LRRC9: variants seen among roughly 807,000 people sequenced by gnomAD.
LRRC9 encodes the protein leucine rich repeat containing 9, also known as leucine-rich repeat-containing protein 9.
Under a neutral mutation model 63.2 loss-of-function variants are expected in LRRC9, and 122 were observed. The ratio of observed to expected loss-of-function variants is 1.93; its 90% CI spans 1.67 to 2.24. LRRC9 has a LOEUF of 2.24. LRRC9 is among the 30% of genes most tolerant of loss of function. LRRC9 has a pLI of 0.00. For synonymous variants in LRRC9, 366 were observed against 213.1 expected, an observed-to-expected ratio of 1.72 and a Z score of -6.25; for missense variants, 1,071 against 627.7, an observed-to-expected ratio of 1.71 and a Z score of -7.55.
In LRRC9 at chr14:59,999,094, TCCCA is replaced by T; in HGVS notation, c.2404-6_2404-3del. ...TTATAAAAAATTTTTTTTTTGTTTT[TCCCA>T]AGCCAGCCACATTGAGGCTGAGTGT... On this transcript the variant is annotated splice_region_variant and splice_polypyrimidine_tract_variant and intron_variant, in intron 18 of 31. Coordinates refer to ENST00000445360, the Ensembl canonical transcript of LRRC9. 1.5e-6 allele frequency: 1 copy of T among 648,456 alleles called. No homozygotes were observed. The highest frequency in any genetic ancestry group is 2.8e-6 in the Non-Finnish European group (1 of 362,990). 40.2% of individuals were successfully genotyped at this position (648,456 alleles called of 1,614,324 possible).
intron 29 of LRRC9, among the ~76,000 whole-genome samples, chr14:60,039,268 C>G (rs1892724620): frequency 6.6e-6 from 1 of 152,146 alleles, no homozygotes; most frequent in African/African-American, 2.4e-5. Flanking sequence ...CGGGATGATG[C>G]TGGCCTCATA....
chr14:60,043,756 C>CTTTTTTTTT lies in LRRC9; in HGVS notation c.3991-9295_3991-9287dup, dbSNP rs368065898. On this transcript the variant is annotated intron_variant, in intron 29 of 31. Transcript: ENST00000445360. ...GAGCGTAGCCTGTAGTTTTCTTTTC[C>CTTTTTTTTT]TTTTTTTTTTTTTTTTTTTTTTGCC... Among the ~76,000 whole-genome samples, 9 of 71,554 alleles carry CTTTTTTTTT rather than the reference C, an allele frequency of 1.3e-4. No individual in the cohort carries two copies. The East Asian group carries it at 1.4e-3, about 11-fold the overall frequency. 46.9% of individuals were successfully genotyped at this position (71,554 alleles called of 152,430 possible).
In LRRC9 at chr14:59,936,149, T is replaced by G. The variant is rs891303517; in HGVS notation, c.544-2241T>G. Reference sequence around the variant, plus strand: ...CTCAACAGATCCATTGTTTTTATTATTTTATTACCATTACTTTAATTACAT... The same window carrying G: ...CTCAACAGATCCATTGTTTTTATTAGTTTATTACCATTACTTTAATTACAT... On this transcript the variant is annotated intron_variant, in intron 6 of 31. Coordinates refer to ENST00000445360, the Ensembl canonical transcript of LRRC9. This position sits in a 1 kb window ranked among gnomAD's most constrained non-coding sequence, Gnocchi z 4.2. Among the ~76,000 whole-genome samples, 3 of 152,172 alleles carry G rather than the reference T, an allele frequency of 2.0e-5. No homozygotes were observed. The highest frequency in any genetic ancestry group is 4.4e-5 in the Non-Finnish European group (3 of 68,020).
At chr14:59,968,316 A>T (rs1885074174) in intron 12 of LRRC9, among the ~76,000 whole-genome samples, 1 of 152,196 alleles carries the variant, frequency 6.6e-6, no homozygotes, top group Non-Finnish European at 1.5e-5. Context: ...ACAGAGTTTC[A>T]GTCTGGAATA....
At chr14:59,961,443 G>C (rs17096779) in intron 10 of LRRC9, among the ~76,000 whole-genome samples, 2,174 of 152,302 alleles carry the variant, frequency 0.014, 53 homozygotes, top group East Asian at 0.059. Context: ...GAAACTGGAA[G>C]AGAGCAGGAA....
In LRRC9 at chr14:60,003,998, A is replaced by G. The variant is rs1004893736; in HGVS notation, c.2842+200A>G. ...TTGGACCATTCTACAATGTATATAT[A>G]TACTTCAAAACATCATGTTGTACAA... On this transcript the variant is annotated intron_variant, in intron 21 of 31. Coordinates refer to ENST00000445360, the Ensembl canonical transcript of LRRC9. This position sits in a 1 kb window ranked among gnomAD's most constrained non-coding sequence, Gnocchi z 4.2. Among the ~76,000 whole-genome samples the G allele has an allele frequency of 2.0e-5, 3 of 152,186 alleles. No homozygotes were observed. The highest frequency in any genetic ancestry group is 4.4e-5 in the Non-Finnish European group (3 of 68,018).
intron 17 of LRRC9, among the ~76,000 whole-genome samples, chr14:59,993,725 C>A (rs1237276421): frequency 6.6e-6 from 1 of 152,190 alleles, no homozygotes; most frequent in African/African-American, 2.4e-5. Context: ...AAGGCCATTA[C>A]AGAATGGTAA....
At chr14:59,991,038 G>C (rs1888035206) in intron 17 of LRRC9, among the ~76,000 whole-genome samples, 1 of 152,112 alleles carries the variant, frequency 6.6e-6, no homozygotes, top group Non-Finnish European at 1.5e-5. Flanking sequence ...TTTATGTGTG[G>C]ATTCACAGCA....
intron 17 of LRRC9, 71 bp downstream of exon 17, chr14:59,985,295 G>T: frequency 1.9e-6 from 1 of 539,118 alleles, no homozygotes; most frequent in Non-Finnish European, 3.4e-6. Flanking sequence ...GGTTATCAGG[G>T]CCTAAGGGCT....
rs1889310142 is a variant in LRRC9 at position 59,927,537 on chromosome 14, C to T, written c.-33-374C>T. The stretch of plus-strand genomic sequence containing the variant: ...GTGTAATACAAAGGACAACTAGAGC[C>T]TGTTCAAAGGAGAGAAACATGAGTA... On this transcript the variant is annotated intron_variant, in intron 1 of 31. Coordinates refer to ENST00000445360, the Ensembl canonical transcript of LRRC9. The surrounding 1 kb of genome is among the most constrained non-coding windows in gnomAD (Gnocchi z 4.4). 6.6e-6 allele frequency among the ~76,000 whole-genome samples: 1 copy of T among 151,964 alleles called. No individual in the cohort carries two copies. Among genetic ancestry groups the T allele is most frequent in the African/African-American group, 2.4e-5 (1 of 41,390 alleles).
intron 14 of LRRC9, 47 bp downstream of exon 14, chr14:59,977,394 A>G (rs1382518967): frequency 1.6e-6 from 1 of 625,832 alleles, no homozygotes; most frequent in South Asian, 1.8e-5. Context: ...TCTGAATGAA[A>G]AATGTTTGTG....
rs1391263548 is a variant in LRRC9 at position 60,053,414 on chromosome 14, CACACACATAT to C, written c.4131+211_4131+220del. Among the ~76,000 whole-genome samples, 3 of 85,034 alleles carry C rather than the reference CACACACATAT, an allele frequency of 3.5e-5. No homozygotes were observed. The highest frequency in any genetic ancestry group is 1.4e-3 in the East Asian group (2 of 1,444). 55.8% of individuals were successfully genotyped at this position (85,034 alleles called of 152,430 possible). A position where few individuals can be genotyped will look rare whatever the true frequency, so the allele number is the denominator to read the frequency against. Reference sequence around the variant, plus strand: ...ACACACACACACACACACACACACACACACACATATATATGTAAGTCAGGGAACATCCTTT... The same window carrying C: ...ACACACACACACACACACACACACACATATGTAAGTCAGGGAACATCCTTT... On this transcript the variant is annotated intron_variant, in intron 30 of 31. Transcript: ENST00000445360. The surrounding 1 kb of genome is among the most constrained non-coding windows in gnomAD (Gnocchi z 4.8).
rs900587296 is a variant in LRRC9, at chr14:60,017,544, TCTC to T, written c.3317+758_3317+760del. 2.6e-5 allele frequency among the ~76,000 whole-genome samples: 4 copies of T among 152,032 alleles called. No individual in the cohort carries two copies. Among genetic ancestry groups the T allele is most frequent in the African/African-American group, 4.8e-5 (2 of 41,416 alleles). ...GAGATGCTAACTCTATCACAGCAAT[TCTC>T]CTCTTTATTTTTATTTTTCTGGCTC... On this transcript the variant is annotated intron_variant, in intron 24 of 31. Transcript: ENST00000445360. The surrounding 1 kb of genome is among the most constrained non-coding windows in gnomAD (Gnocchi z 4.0).
At chr14:60,054,504 T>A (rs1215719103) in intron 30 of LRRC9, among the ~76,000 whole-genome samples, 2 of 152,152 alleles carry the variant, frequency 1.3e-5, no homozygotes, top group African/African-American at 4.8e-5. Context: ...GTAAGGAAAT[T>A]ATTTTTAAAA....
At chr14:60,041,186 T>C (rs572832177) in intron 29 of LRRC9, among the ~76,000 whole-genome samples, 77 of 152,262 alleles carry the variant, frequency 5.1e-4, no homozygotes, top group African/African-American at 1.7e-3. Context: ...CTCACTACCC[T>C]TAACATTTTT....
chr14:59,962,727 T>G lies in LRRC9; in HGVS notation c.1211+1682T>G, dbSNP rs117238202. 6.6e-6 allele frequency among the ~76,000 whole-genome samples: 1 copy of G among 152,100 alleles called. No individual in the cohort carries two copies. The highest frequency in any genetic ancestry group is 1.9e-4 in the East Asian group (1 of 5,194). ...TCCAAACAGGATTTTTAAAAATTAT[T>G]TGTTTCTTTTTAAATTATTGCAGAG... On this transcript the variant is annotated intron_variant, in intron 10 of 31. Transcript: ENST00000445360. This position sits in a 1 kb window ranked among gnomAD's most constrained non-coding sequence, Gnocchi z 5.1.
Position 60,003,546 on chromosome 14 carries a change from G to T in LRRC9, c.2665-75G>T. The T allele has an allele frequency of 9.2e-6, 5 of 545,648 alleles. No homozygotes were observed. The highest frequency in any genetic ancestry group is 3.5e-5 in the Admixed American group (1 of 28,784). The allele number at this position is 545,648 out of a possible 1,614,324, so 33.8% of individuals were successfully genotyped here. ...TTATCACATTTGAATTATTTCATTA[G>T]CTTTTTAAAATGTTATTAACATTGA... On this transcript the variant is annotated intron_variant, in intron 20 of 31. Transcript: ENST00000445360. This position sits in a 1 kb window ranked among gnomAD's most constrained non-coding sequence, Gnocchi z 4.2.
At position 59,990,841 on chromosome 14, in the gene LRRC9, C is replaced by G. The variant is rs1242956545; in HGVS notation, c.2211+5617C>G. Reference sequence around the variant, plus strand: ...TATTTGTTGACTGTTCTGGGGCTCTCCTGTTTTCAGGTCCATCAGATGCTG... The same window carrying G: ...TATTTGTTGACTGTTCTGGGGCTCTGCTGTTTTCAGGTCCATCAGATGCTG... On this transcript the variant is annotated intron_variant, in intron 17 of 31. Coordinates refer to ENST00000445360, the Ensembl canonical transcript of LRRC9. The surrounding 1 kb of genome is among the most constrained non-coding windows in gnomAD (Gnocchi z 4.2). 6.6e-6 allele frequency among the ~76,000 whole-genome samples: 1 copy of G among 152,240 alleles called. No individual in the cohort carries two copies. The highest frequency in any genetic ancestry group is 1.5e-5 in the Non-Finnish European group (1 of 68,048).
rs955269986 is a variant in LRRC9, at chr14:60,003,527, C to T, written c.2665-94C>T. On this transcript the variant is annotated intron_variant, in intron 20 of 31. Transcript: ENST00000445360. The surrounding 1 kb of genome is among the most constrained non-coding windows in gnomAD (Gnocchi z 4.2). ...GAATTCTTTTGATATCTATTTATCACATTTGAATTATTTCATTAGCTTTTT... is the reference window on the plus strand; with the variant it reads ...GAATTCTTTTGATATCTATTTATCATATTTGAATTATTTCATTAGCTTTTT... The T allele has an allele frequency of 8.9e-6, 5 of 559,068 alleles. No individual in the cohort carries two copies. The African/African-American group carries it at 9.7e-5, about 11-fold the overall frequency. 34.6% of individuals were successfully genotyped at this position (559,068 alleles called of 1,614,324 possible).
Sources: allele counts gnomAD v4.1 joint callset (sites outside exome capture counted in the v4.1 genomes callset), GRCh38; gene constraint gnomAD v4.1.1; non-coding constraint Gnocchi (gnomAD v3.1); transcripts MANE v1.5; gene names NCBI Gene and HGNC (gene_info 2026-07-23, HGNC 2026-07-21).